Variants in PDCD6IP observed in about 807,000 individuals in gnomAD.
The protein encoded by PDCD6IP is programmed cell death 6-interacting protein.
Under a neutral mutation model 103.7 loss-of-function variants are expected in PDCD6IP, and 43 were observed. The observed-to-expected ratio is 0.41, with a 90% CI of 0.32 to 0.53. The LOEUF is 0.53. Ranked by LOEUF, PDCD6IP falls within the 20% of genes least tolerant of loss-of-function variation. The pLI is 0.16. For synonymous variants in PDCD6IP, 354 were observed against 378.7 expected, an observed-to-expected ratio of 0.93 and a Z score of 0.76; for missense variants, 871 against 1,036.7, an observed-to-expected ratio of 0.84 and a Z score of 2.20.
At chr3:33,864,683 G>C (rs765691797) in intron 16 of PDCD6IP, among the ~76,000 whole-genome samples, 26 of 152,168 alleles carry the variant, frequency 1.7e-4, no homozygotes, top group Non-Finnish European at 1.6e-4. Flanking sequence ...GATGAAAATG[G>C]TATTGTGATT....
intron 12 of PDCD6IP, among the ~76,000 whole-genome samples, chr3:33,848,570 A>G (rs1697646286): frequency 6.6e-6 from 1 of 151,942 alleles, no homozygotes; most frequent in South Asian, 2.1e-4. Context: ...GTGCCCAGCT[A>G]ATTTTTGTAT....
chr3:33,822,966 T>G (rs1465180144), intron 4 of PDCD6IP, among the ~76,000 whole-genome samples: 2 of 152,084 alleles, frequency 1.3e-5, no homozygotes, highest in African/African-American at 4.8e-5. Flanking sequence ...CAGCAGTTGT[T>G]TATTATTTAT....
rs146493002 is a variant in PDCD6IP at position 33,831,168 on chromosome 3, A to G, written c.834+2199A>G. Among the ~76,000 whole-genome samples, 1,502 of 152,094 alleles carry G rather than the reference A, an allele frequency of 9.9e-3. 34 individuals are homozygous for G. Among genetic ancestry groups the G allele is most frequent in the African/African-American group, 0.034 (1,421 of 41,490 alleles). On this transcript the variant is annotated intron_variant, in intron 7 of 17. Coordinates refer to ENST00000307296, the MANE Select transcript of PDCD6IP (RefSeq NM_013374.6). ...CAGTTTATGTGGCCCCAGAAGATGG[A>G]TCTTCTTGGTCATCTTGGTGGATCT...
chr3:33,813,029 A>G (rs749214251), intron 2 of PDCD6IP, among the ~76,000 whole-genome samples: 1 of 152,206 alleles, frequency 6.6e-6, no homozygotes, highest in Non-Finnish European at 1.5e-5. Context: ...TTTTTAATAA[A>G]CATTTAATTT....
At chr3:33,802,492 CTT>C (rs1167190234) in intron 1 of PDCD6IP, among the ~76,000 whole-genome samples, 20 of 142,482 alleles carry the variant, frequency 1.4e-4, no homozygotes, top group Non-Finnish European at 1.5e-4. Flanking sequence ...TTTCTTTTTT[CTT>C]TTTTTTTTTT....
At chr3:33,860,788 A>C (rs764405794) in intron 15 of PDCD6IP, among the ~76,000 whole-genome samples, 1 of 152,162 alleles carries the variant, frequency 6.6e-6, no homozygotes, top group Non-Finnish European at 1.5e-5. Flanking sequence ...CTACTGTTGA[A>C]TATTTTGAGT....
chr3:33,799,404 G>C (rs1222093240), intron 1 of PDCD6IP: 1 of 156,114 alleles, frequency 6.4e-6, no homozygotes, highest in Non-Finnish European at 1.4e-5. Context: ...TGTCTGATCA[G>C]CTCATCACAT....
At chr3:33,828,768 C>A (rs1263645142) in intron 6 of PDCD6IP, 85 bp from the exon 7 acceptor site, 1 of 1,484,178 alleles carries the variant, frequency 6.7e-7, no homozygotes, top group Non-Finnish European at 9.3e-7. Flanking sequence ...TTTCTGTCTT[C>A]TTTTCCTTTT....
rs928768272 is a variant in PDCD6IP, at chr3:33,799,154, C to G, written c.209+217C>G. The stretch of plus-strand genomic sequence containing the variant: ...CGCTTGTCCTGCCTGCACGTCTGCT[C>G]TAGCCCTTGGTCGGCGAGGGCTCCG... On this transcript the variant is annotated intron_variant, in intron 1 of 17. Transcript: ENST00000307296. 1.7e-5 allele frequency: 10 copies of G among 583,328 alleles called. No individual in the cohort carries two copies. In the Middle Eastern group the frequency reaches 1.8e-3, roughly 106 times the overall value. The allele number at this position is 583,328 out of a possible 1,614,324, so 36.1% of individuals were successfully genotyped here.
At chr3:33,816,567 C>G (rs1696859370) in intron 3 of PDCD6IP, among the ~76,000 whole-genome samples, 1 of 150,772 alleles carries the variant, frequency 6.6e-6, no homozygotes. Context: ...CATCCCAGGT[C>G]CAGGCTGGAA....
intron 3 of PDCD6IP, among the ~76,000 whole-genome samples, chr3:33,819,431 G>A (rs749332131): frequency 6.6e-6 from 1 of 152,018 alleles, no homozygotes; most frequent in Admixed American, 6.6e-5. Flanking sequence ...TTTTCAGTTC[G>A]CATTGCTCTT....
chr3:33,821,466 C>G (rs1170103102), intron 3 of PDCD6IP, among the ~76,000 whole-genome samples: 1 of 151,772 alleles, frequency 6.6e-6, no homozygotes, highest in Non-Finnish European at 1.5e-5. Flanking sequence ...TTTAGCCCAG[C>G]TAACCTGCTA....
rs553813937 is a variant in PDCD6IP, at chr3:33,862,242, G to GT, written c.2121-1752dup. On this transcript the variant is annotated intron_variant, in intron 15 of 17. Transcript: ENST00000307296. Reference sequence around the variant, plus strand: ...AGTTATTTACTTAAGAAGTAGTTTTGTTTTTTTTTTTTGATGAATGTATAC... The same window carrying GT: ...AGTTATTTACTTAAGAAGTAGTTTTGTTTTTTTTTTTTTGATGAATGTATAC... Among the ~76,000 whole-genome samples, 1,329 of 141,170 alleles carry GT rather than the reference G, an allele frequency of 9.4e-3. 9 individuals carry two copies. Among genetic ancestry groups the GT allele is most frequent in the South Asian group, 0.012 (51 of 4,354 alleles). The allele number at this position is 141,170 out of a possible 152,430, so 92.6% of individuals were successfully genotyped here. A position where few individuals can be genotyped will look rare whatever the true frequency, so the allele number is the denominator to read the frequency against.
chr3:33,837,216 G>A (rs1385855904), intron 8 of PDCD6IP, among the ~76,000 whole-genome samples: 5 of 152,062 alleles, frequency 3.3e-5, no homozygotes, highest in South Asian at 2.1e-4. Flanking sequence ...CACCGTGCCC[G>A]GCCTATTTCT....
At chr3:33,834,836 G>A (rs1697313700) in intron 7 of PDCD6IP, among the ~76,000 whole-genome samples, 2 of 152,100 alleles carry the variant, frequency 1.3e-5, no homozygotes, top group Admixed American at 1.3e-4. Context: ...TATTTGTGGA[G>A]TCTAGTGTTC....
At chr3:33,832,765 G>A (rs199903568) in intron 7 of PDCD6IP, among the ~76,000 whole-genome samples, 43 of 152,202 alleles carry the variant, frequency 2.8e-4, no homozygotes, top group East Asian at 1.9e-3. Context: ...ACTTGAGACT[G>A]TTTTAATGTC....
Position 33,855,158 on chromosome 3 carries a change from G to C in PDCD6IP, c.2026-8G>C. 2 of 1,568,530 alleles carry C rather than the reference G, an allele frequency of 1.3e-6. 1 individual carries two copies. The highest frequency in any genetic ancestry group is 3.4e-4 in the Middle Eastern group (2 of 5,952). On this transcript the variant is annotated splice_polypyrimidine_tract_variant and splice_region_variant and intron_variant, in intron 14 of 17. Transcript: ENST00000307296. ...TGTTCCTTACTTGTATTTGTTCTTTGCTTATAGTTTTACAATGAGTTGACT... is the reference window on the plus strand; with the variant it reads ...TGTTCCTTACTTGTATTTGTTCTTTCCTTATAGTTTTACAATGAGTTGACT...
In PDCD6IP at chr3:33,804,135, C is replaced by T. The variant is rs555221675; in HGVS notation, c.209+5198C>T. 2.2e-4 allele frequency among the ~76,000 whole-genome samples: 33 copies of T among 152,176 alleles called. No homozygotes were observed. In the South Asian group the frequency reaches 4.8e-3, roughly 22 times the overall value. ...GGCCATGAAAATTTAGGCTTGCAAA[C>T]GGTTTGAAGGGTGAGTAAAGCAGGG... On this transcript the variant is annotated intron_variant, in intron 1 of 17. Transcript: ENST00000307296.
intron 7 of PDCD6IP, among the ~76,000 whole-genome samples, chr3:33,833,188 G>T (rs1360525767): frequency 6.6e-6 from 1 of 151,546 alleles, no homozygotes; most frequent in African/African-American, 2.4e-5. Flanking sequence ...TGCTAGATGG[G>T]TCATTATCCC....
Sources: allele counts gnomAD v4.1 joint callset (sites outside exome capture counted in the v4.1 genomes callset), GRCh38; gene constraint gnomAD v4.1.1; transcripts MANE v1.5; gene names NCBI Gene and HGNC (gene_info 2026-07-23, HGNC 2026-07-21).